The following BMPER variants were observed in gnomAD, a reference collection of about 807,000 sequenced individuals.
BMPER encodes the protein BMP binding endothelial regulator.
In BMPER, 45 loss-of-function variants were observed where a neutral mutation model predicts 87.3. The ratio of observed to expected loss-of-function variants is 0.52; its 90% CI spans 0.41 to 0.66. The LOEUF (loss-of-function observed/expected upper bound fraction) is 0.66, where lower values mean the gene tolerates loss of function less well. Ranked by LOEUF, BMPER falls within the 30% of genes least tolerant of loss-of-function variation. BMPER has a pLI of 0.00. For missense variants in BMPER, 784 were observed against 867.5 expected, an observed-to-expected ratio of 0.90 and a Z score of 1.21; for synonymous variants, 326 against 316.2, an observed-to-expected ratio of 1.03 and a Z score of -0.33.
intron 11 of BMPER, among the ~76,000 whole-genome samples, chr7:34,077,256 G>A (rs1788889239): frequency 6.6e-6 from 1 of 152,168 alleles, no homozygotes; most frequent in African/African-American, 2.4e-5. Context: ...AATGCACTCT[G>A]AAGAGGTTAG....
At chr7:34,068,015 C>A (rs1788637869) in intron 11 of BMPER, among the ~76,000 whole-genome samples, 1 of 152,120 alleles carries the variant, frequency 6.6e-6, no homozygotes, top group Non-Finnish European at 1.5e-5. Flanking sequence ...TTAACAATCA[C>A]CACCATCATC....
chr7:34,016,948 T>A lies in BMPER; in HGVS notation c.577-29358T>A, dbSNP rs539919616. ...GAACACAAATCAACTTAGTTTTAAATCAGAAATCAACTTGATATTGAACCC... is the reference window on the plus strand; with the variant it reads ...GAACACAAATCAACTTAGTTTTAAAACAGAAATCAACTTGATATTGAACCC... On this transcript the variant is annotated intron_variant, in intron 6 of 14. Transcript: ENST00000649409. Among the ~76,000 whole-genome samples the A allele has an allele frequency of 4.6e-5, 7 of 152,056 alleles. No homozygotes were observed. In the South Asian group the frequency reaches 1.4e-3, roughly 31 times the overall value.
In BMPER at chr7:34,011,550, A is replaced by G. The variant is rs191563614; in HGVS notation, c.577-34756A>G. On this transcript the variant is annotated intron_variant, in intron 6 of 14. Transcript: ENST00000649409. ...AGGAAAACCTTTTAAACCAGAATGT[A>G]AATAGGCCTTTGCTGCTTTCAGTTG... is the stretch of plus-strand genomic sequence containing the variant. 3.1e-4 allele frequency among the ~76,000 whole-genome samples: 47 copies of G among 149,852 alleles called. 1 individual carries two copies. In the East Asian group the frequency reaches 8.8e-3, roughly 28 times the overall value.
At chr7:34,007,626 G>A (rs1786768551) in intron 6 of BMPER, among the ~76,000 whole-genome samples, 1 of 151,948 alleles carries the variant, frequency 6.6e-6, no homozygotes. Context: ...GTATATAAGA[G>A]CTGCCTCATT....
chr7:34,101,825 C>G (rs545327408), intron 13 of BMPER, among the ~76,000 whole-genome samples: 4 of 152,310 alleles, frequency 2.6e-5, no homozygotes, highest in African/African-American at 9.6e-5. Context: ...CCAGGACCCC[C>G]TCAGGTGGTG....
intron 13 of BMPER, among the ~76,000 whole-genome samples, chr7:34,099,187 G>C (rs1236626188): frequency 6.6e-6 from 1 of 152,176 alleles, no homozygotes; most frequent in Admixed American, 6.5e-5. Flanking sequence ...AGCTACAGGA[G>C]TTACCAACAT....
intron 11 of BMPER, among the ~76,000 whole-genome samples, chr7:34,070,129 T>C (rs757730003): frequency 6.6e-6 from 1 of 152,240 alleles, no homozygotes; most frequent in Non-Finnish European, 1.5e-5. Context: ...CCTTAACATA[T>C]CACTTCTTAA....
intron 13 of BMPER, among the ~76,000 whole-genome samples, chr7:34,138,506 G>A (rs1435358593): frequency 6.6e-6 from 1 of 152,206 alleles, no homozygotes; most frequent in South Asian, 2.1e-4. Context: ...TTGTGGCACT[G>A]AGCAGCTGTG....
At chr7:34,149,587 C>T (rs556639932) in intron 14 of BMPER, among the ~76,000 whole-genome samples, 2 of 151,850 alleles carry the variant, frequency 1.3e-5, no homozygotes, top group Non-Finnish European at 2.9e-5. Flanking sequence ...GGGGGAGATT[C>T]CAGGAGGTGA....
intron 1 of BMPER, among the ~76,000 whole-genome samples, chr7:33,906,445 AG>A (rs1375087483): frequency 7.1e-6 from 1 of 141,762 alleles, no homozygotes; most frequent in Non-Finnish European, 1.5e-5. Flanking sequence ...CCCCAATTTG[AG>A]GGTTTTTTTA....
At chr7:33,916,371 T>C (rs566435167) in intron 2 of BMPER, among the ~76,000 whole-genome samples, 21 of 152,318 alleles carry the variant, frequency 1.4e-4, no homozygotes, top group African/African-American at 5.1e-4. Flanking sequence ...AATCAGGAAG[T>C]GGCAGGTAGG....
chr7:34,150,814 T>C (rs916534243), intron 14 of BMPER, among the ~76,000 whole-genome samples: 1 of 152,168 alleles, frequency 6.6e-6, no homozygotes, highest in African/African-American at 2.4e-5. Flanking sequence ...AACAGAACAG[T>C]GTTCCCCTCT....
intron 8 of BMPER, among the ~76,000 whole-genome samples, chr7:34,054,291 TAC>T (rs1788221254): frequency 6.6e-6 from 1 of 152,172 alleles, no homozygotes; most frequent in East Asian, 1.9e-4. Flanking sequence ...CACACACACA[TAC>T]ACACACATAC....
At chr7:34,143,679 G>C (rs1562770835) in intron 14 of BMPER, among the ~76,000 whole-genome samples, 1 of 152,168 alleles carries the variant, frequency 6.6e-6, no homozygotes, top group Non-Finnish European at 1.5e-5. Context: ...TGTGGCTTAG[G>C]TTATGTGTGA....
intron 13 of BMPER, among the ~76,000 whole-genome samples, chr7:34,138,689 T>C (rs1790786717): frequency 6.6e-6 from 1 of 152,172 alleles, no homozygotes; most frequent in Non-Finnish European, 1.5e-5. Context: ...CCTTTGTTAT[T>C]TTGCCAATTC....
chr7:34,055,073 A>G, intron 8 of BMPER, 90 bp from the exon 9 acceptor site: 1 of 1,554,118 alleles, frequency 6.4e-7, no homozygotes, highest in Non-Finnish European at 8.9e-7. Flanking sequence ...TTTGACACAG[A>G]TAGTTATGAG....
intron 7 of BMPER, among the ~76,000 whole-genome samples, chr7:34,047,104 T>C (rs772616870): frequency 5.9e-5 from 9 of 152,010 alleles, no homozygotes; most frequent in Admixed American, 2.6e-4. Flanking sequence ...CACAAATCTG[T>C]GTGATTCCTG....
At chr7:34,111,177 T>C (rs1789952849) in intron 13 of BMPER, among the ~76,000 whole-genome samples, 1 of 152,220 alleles carries the variant, frequency 6.6e-6, no homozygotes, top group Non-Finnish European at 1.5e-5. Flanking sequence ...TTCGTAAGCG[T>C]TTATGGAATC....
chr7:34,042,226 T>G (rs1381387996), intron 6 of BMPER, among the ~76,000 whole-genome samples: 1 of 152,200 alleles, frequency 6.6e-6, no homozygotes, highest in Non-Finnish European at 1.5e-5. Context: ...AAATAGCTAA[T>G]TTTTGAGAGA....
Sources: allele counts gnomAD v4.1 joint callset (sites outside exome capture counted in the v4.1 genomes callset), GRCh38; gene constraint gnomAD v4.1.1; transcripts MANE v1.5; gene names NCBI Gene and HGNC (gene_info 2026-07-23, HGNC 2026-07-21).